KRT40: variants seen among roughly 807,000 people sequenced by gnomAD.
KRT40 encodes keratin 40.
A neutral mutation model predicts 43.5 loss-of-function variants in KRT40; 47 were observed. That is an observed-to-expected ratio of 1.08 (90% confidence interval 0.86 to 1.38). The LOEUF (loss-of-function observed/expected upper bound fraction) is 1.38. KRT40 is among the 40% of genes most tolerant of loss of function. The pLI is 0.00. For synonymous variants in KRT40, 212 were observed against 214.0 expected (o/e 0.99, Z 0.08); for missense variants, 573 against 523.6 (o/e 1.09, Z -0.92).
At position 40,978,970 on chromosome 17, in the gene KRT40, GC is replaced by G; in HGVS notation, c.1029del (p.Gln343HisfsTer8). 1 of 1,614,166 alleles carries G rather than the reference GC, an allele frequency of 6.2e-7. No homozygotes were observed. The highest frequency in any genetic ancestry group is 8.5e-7 in the Non-Finnish European group (1 of 1,180,026). On this transcript the variant is annotated frameshift_variant, in exon 6 of 7. Coordinates refer to ENST00000377755, the MANE Select transcript of KRT40 (RefSeq NM_001389244.1). LOFTEE classifies it high-confidence loss of function. ...TCGATCAGACACTGAATTTGGGCCA[GC>G]TGGGAGCTGTACTGGGCCTCGGTTT... ...VAETEAQYSS[Q>X]LAQIQCLIDN...
upstream of KRT40, chr17:40,986,286 G>A (rs1912465494): frequency 2.0e-5 from 3 of 152,464 alleles, no homozygotes; most frequent in Admixed American, 1.3e-4. Flanking sequence ...AAGAAAGCAG[G>A]TAATGTATAA....
rs1400861777 is a variant in KRT40, at chr17:40,983,814, A to G, written c.447+13T>C. 2 of 1,610,458 alleles carry G rather than the reference A, an allele frequency of 1.2e-6. No individual in the cohort carries two copies. Among genetic ancestry groups the G allele is most frequent in the South Asian group, 2.2e-5 (2 of 90,946 alleles). ...ATCAGGAAGGTGGAGCACTAGGGCA[A>G]CAGGACACAGACCTTTTGTTGGAGA... On this transcript the variant is annotated intron_variant, in intron 1 of 6. Coordinates refer to ENST00000377755, the MANE Select transcript of KRT40 (RefSeq NM_001389244.1).
At chr17:40,982,888 A>T (rs1912259077) in intron 2 of KRT40, among the ~76,000 whole-genome samples, 158 bp downstream of exon 2, 1 of 152,110 alleles carries the variant, frequency 6.6e-6, no homozygotes, top group African/African-American at 2.4e-5. Context: ...CCTGCCTGTA[A>T]TCCCGGCTAC....
intron 2 of KRT40, 32 bp from the exon 3 acceptor site, chr17:40,982,495 C>G (rs1399687652): frequency 1.3e-6 from 2 of 1,506,350 alleles, no homozygotes; most frequent in Admixed American, 2.1e-5. Context: ...CCAACGCTTA[C>G]TTTGCTGAAC....
chr17:40,978,357 A>C, intron 6 of KRT40, 61 bp from the exon 7 acceptor site: 2 of 1,340,016 alleles, frequency 1.5e-6, no homozygotes, highest in Non-Finnish European at 2.1e-6. Context: ...ATGGCAACTC[A>C]GAAAAACCGT....
In KRT40 at chr17:40,978,309, C is replaced by T. The variant is rs2271278; in HGVS notation, c.1197-13G>A. On this transcript the variant is annotated splice_polypyrimidine_tract_variant and intron_variant, in intron 6 of 6. Coordinates refer to ENST00000377755, the MANE Select transcript of KRT40 (RefSeq NM_001389244.1). ...GCTACAGGAAAGCCTGGGGAAAAAT[C>T]GATTTTCAACCAAGATTAACAAGGG... 0.29 allele frequency: 459,138 copies of T among 1,599,238 alleles called. 73,126 individuals carry two copies. Among genetic ancestry groups the T allele is most frequent in the African/African-American group, 0.67 (49,780 of 74,612 alleles).
In KRT40 at chr17:40,983,041, C is replaced by A; in HGVS notation, c.530+5G>T. On this transcript the variant is annotated splice_donor_5th_base_variant and intron_variant, in intron 2 of 6. Coordinates refer to ENST00000377755, the MANE Select transcript of KRT40 (RefSeq NM_001389244.1). The stretch of plus-strand genomic sequence containing the variant: ...ATAAATAAAATAAAATTAAATTAAA[C>A]TTACTTTGACTTAAAGTCATCAGTG... 8.6e-7 allele frequency: 1 copy of A among 1,156,434 alleles called. No individual in the cohort carries two copies. 71.6% of individuals were successfully genotyped at this position (1,156,434 alleles called of 1,614,324 possible). A position where few individuals can be genotyped will look rare whatever the true frequency, so the allele number is the denominator to read the frequency against.
Position 40,979,004 on chromosome 17 carries a change from G to A in KRT40, c.996C>T (p.Thr332=), listed in dbSNP as rs1487939888. 4.3e-6 allele frequency: 7 copies of A among 1,613,720 alleles called. No individual in the cohort carries two copies. The highest frequency in any genetic ancestry group is 4.0e-5 in the African/African-American group (3 of 74,988). The change falls in exon 6 of 7, where the codon ACC becomes ACT. Residue 332 remains threonine, a synonymous_variant. Transcript: ENST00000377755. ...TGTACTGGGCCTCGGTTTCTGCCAC[G>A]GTGCATTCCAGAGATTCTGTCTGCG... ...QQSLTESLEC[T]VAETEAQYSS...
chr17:40,977,971 T>G lies in KRT40; in HGVS notation c.*226A>C. The stretch of plus-strand genomic sequence containing the variant: ...ACCACGCTAAAGGAATAAAACACGT[T>G]TTATTTGGAGATGAGCAAGAATGCT... On this transcript the variant is annotated 3_prime_UTR_variant, in exon 7 of 7. Coordinates refer to ENST00000377755, the MANE Select transcript of KRT40 (RefSeq NM_001389244.1). 1 of 478,662 alleles carries G rather than the reference T, an allele frequency of 2.1e-6. No homozygotes were observed. 29.7% of individuals were successfully genotyped at this position (478,662 alleles called of 1,614,324 possible). A position where few individuals can be genotyped will look rare whatever the true frequency, so the allele number is the denominator to read the frequency against.
At chr17:40,981,387 C>T in intron 3 of KRT40, 1 of 693,052 alleles carries the variant, frequency 1.4e-6, no homozygotes, top group Non-Finnish European at 2.5e-6. Context: ...CTAGAAGAGT[C>T]AATCTACACA....
rs1377818339 is a variant in KRT40, at chr17:40,978,985, G to C, written c.1015C>G (p.Gln339Glu). ...ATTTGGGCCAGCTGGGAGCTGTACT[G>C]GGCCTCGGTTTCTGCCACGGTGCAT... ...LECTVAETEAQYSSQLAQIQC... is the reference protein window; with the variant it reads ...LECTVAETEAEYSSQLAQIQC... Residue 339 changes from glutamine (Q) to glutamate (E), a missense_variant, in exon 6 of 7, where the codon CAG becomes GAG. Transcript: ENST00000377755. 3 of 1,613,946 alleles carry C rather than the reference G, an allele frequency of 1.9e-6. No homozygotes were observed. In the Admixed American group the frequency reaches 5.0e-5, roughly 27 times the overall value.
chr17:40,984,293 G>C lies in KRT40; in HGVS notation c.-20C>G. ...AGTCATCCTTCCAGAAGCAAAGACAGAGACTGGCTGCAAAACTTCAGTTGC... is the reference window on the plus strand; with the variant it reads ...AGTCATCCTTCCAGAAGCAAAGACACAGACTGGCTGCAAAACTTCAGTTGC... On this transcript the variant is annotated 5_prime_UTR_variant, in exon 1 of 7. Transcript: ENST00000377755. 6.4e-7 allele frequency: 1 copy of C among 1,572,100 alleles called. No individual in the cohort carries two copies. Among genetic ancestry groups the C allele is most frequent in the Non-Finnish European group, 8.7e-7 (1 of 1,152,806 alleles).
intron 3 of KRT40, among the ~76,000 whole-genome samples, chr17:40,981,842 A>G (rs1912172482): frequency 6.6e-6 from 1 of 151,606 alleles, no homozygotes; most frequent in Admixed American, 6.6e-5. Context: ...GATCAGGTTG[A>G]ATAGTAATAA....
At chr17:40,986,999 T>C (rs1043050788), upstream of KRT40, 4 of 152,208 alleles carry the variant, frequency 2.6e-5, no homozygotes, top group African/African-American at 9.6e-5. Flanking sequence ...TAGGTACTAT[T>C]TTCTTGGTCA....
chr17:40,979,633 A>G lies in KRT40; in HGVS notation c.976-609T>C, dbSNP rs575219641. On this transcript the variant is annotated intron_variant, in intron 5 of 6. Transcript: ENST00000377755. ...ATACATGACATATTTGTGAAGCTTA[A>G]GGACTATCCACAACATATGAGAGGA... 2.0e-5 allele frequency among the ~76,000 whole-genome samples: 3 copies of G among 152,322 alleles called. No homozygotes were observed. The East Asian group carries it at 5.8e-4, about 29-fold the overall frequency.
Position 40,981,376 on chromosome 17 carries a change from T to C in KRT40, c.688-225A>G, listed in dbSNP as rs1912142313. 1.0e-5 allele frequency: 8 copies of C among 787,582 alleles called. 1 individual carries two copies. In the South Asian group the frequency reaches 1.0e-4, roughly 10 times the overall value. 48.8% of individuals were successfully genotyped at this position (787,582 alleles called of 1,614,324 possible). A position where few individuals can be genotyped will look rare whatever the true frequency, so the allele number is the denominator to read the frequency against. On this transcript the variant is annotated intron_variant, in intron 3 of 6. Transcript: ENST00000377755. ...ATTTTTCCAGAAAGTTATTGTGAGA[T>C]CTAGAAGAGTCAATCTACACATAAT... is the stretch of plus-strand genomic sequence containing the variant.
Position 40,983,065 on chromosome 17 carries a change from TG to T in KRT40, c.510del (p.Thr171LeufsTer18). 2.1e-6 allele frequency: 3 copies of T among 1,428,724 alleles called. No homozygotes were observed. Among genetic ancestry groups the T allele is most frequent in the Non-Finnish European group, 2.9e-6 (3 of 1,017,086 alleles). The allele number at this position is 1,428,724 out of a possible 1,614,324, so 88.5% of individuals were successfully genotyped here. The part of the protein sequence containing the change: ...LAVQLDNCKL[A>X]TDDFKSKYES... ...ACTTACTTTGACTTAAAGTCATCAG[TG>T]GCCAGTTTGCAGTTGTCAAGCTGTA... On this transcript the variant is annotated frameshift_variant, in exon 2 of 7. Transcript: ENST00000377755. LOFTEE classifies it high-confidence loss of function.
upstream of KRT40, among the ~76,000 whole-genome samples, chr17:40,984,921 A>T (rs1912396526): frequency 6.6e-6 from 1 of 152,214 alleles, no homozygotes; most frequent in Middle Eastern, 3.4e-3. Flanking sequence ...ACTTTACATA[A>T]CTGATAGGAA....
At chr17:40,982,026 C>T in intron 3 of KRT40, among the ~76,000 whole-genome samples, 1 of 151,852 alleles carries the variant, frequency 6.6e-6, no homozygotes, top group Non-Finnish European at 1.5e-5. Context: ...CTACAGGCGC[C>T]TGCCACCATG....
Sources: allele counts gnomAD v4.1 joint callset (sites outside exome capture counted in the v4.1 genomes callset), GRCh38; gene constraint gnomAD v4.1.1; transcripts MANE v1.5; gene names NCBI Gene and HGNC (gene_info 2026-07-23, HGNC 2026-07-21).